SCIN: variants seen among roughly 807,000 people sequenced by gnomAD.
SCIN encodes the protein scinderin, also known as adseverin.
SCIN carries 91 observed loss-of-function variants against 91.8 expected under a neutral mutation model. The ratio of observed to expected loss-of-function variants is 0.99; its 90% CI spans 0.84 to 1.18. SCIN has a LOEUF of 1.18. SCIN is among the 50% of genes most tolerant of loss of function. SCIN has a pLI of 0.00. For missense variants in SCIN, 1,087 were observed against 863.9 expected, an observed-to-expected ratio of 1.26 and a Z score of -3.24; for synonymous variants, 367 against 312.6, an observed-to-expected ratio of 1.17 and a Z score of -1.84.
rs1247961935 is a variant in SCIN, at chr7:12,657,137, T to C, written c.*4422T>C. 1 of 150,350 alleles carries C rather than the reference T, an allele frequency of 6.7e-6. No homozygotes were observed. Among genetic ancestry groups the C allele is most frequent in the Non-Finnish European group, 1.5e-5 (1 of 67,732 alleles). The allele number at this position is 150,350 out of a possible 1,614,324, so 9.3% of individuals were successfully genotyped here. A position where few individuals can be genotyped will look rare whatever the true frequency, so the allele number is the denominator to read the frequency against. On this transcript the variant is annotated 3_prime_UTR_variant, in exon 16 of 16. Transcript: ENST00000297029. ...CTAAAATGAACATACACATATCCTATAATCCAGAAATCCCACTCCATGGTG... is the reference window on the plus strand; with the variant it reads ...CTAAAATGAACATACACATATCCTACAATCCAGAAATCCCACTCCATGGTG...
At chr7:12,598,576 A>C (rs979452275) in intron 3 of SCIN, among the ~76,000 whole-genome samples, 2 of 152,218 alleles carry the variant, frequency 1.3e-5, no homozygotes, top group Non-Finnish European at 2.9e-5. Context: ...CCACTGAATG[A>C]ACATTTAATT....
chr7:12,600,466 A>G (rs966405220), intron 3 of SCIN, among the ~76,000 whole-genome samples: 7 of 152,196 alleles, frequency 4.6e-5, no homozygotes, highest in Non-Finnish European at 1.0e-4. Flanking sequence ...ATTCATCTAA[A>G]TAAATGCCAC....
At chr7:12,594,263 C>T (rs750201986) in intron 3 of SCIN, among the ~76,000 whole-genome samples, 10 of 151,542 alleles carry the variant, frequency 6.6e-5, no homozygotes, top group East Asian at 5.9e-4. Flanking sequence ...ATGATGCTGT[C>T]GAGGAGGGAG....
intron 13 of SCIN, among the ~76,000 whole-genome samples, chr7:12,648,796 A>C (rs1784016853): frequency 6.6e-6 from 1 of 152,170 alleles, no homozygotes; most frequent in African/African-American, 2.4e-5. Flanking sequence ...TAAGGATGAG[A>C]TTTAGAAAAT....
chr7:12,611,394 G>T (rs956325240), intron 4 of SCIN, among the ~76,000 whole-genome samples: 2 of 152,178 alleles, frequency 1.3e-5, no homozygotes, highest in Non-Finnish European at 1.5e-5. Flanking sequence ...GAATTTGGAA[G>T]CTTAGGATTT....
rs1189441822 is a variant in SCIN, at chr7:12,657,554, ATATATATATATATATATATTTTTTTT to A, written c.*4841_*4866del. 1.7e-4 allele frequency: 3 copies of A among 17,520 alleles called. No individual in the cohort carries two copies. Among genetic ancestry groups the A allele is most frequent in the Non-Finnish European group, 3.8e-4 (3 of 7,806 alleles). The allele number at this position is 17,520 out of a possible 1,614,324, so 1.1% of individuals were successfully genotyped here. On this transcript the variant is annotated 3_prime_UTR_variant, in exon 16 of 16. Transcript: ENST00000297029. ...TATGTGTGTGTATATATATATATAT[ATATATATATATATATATATTTTTTTT>A]TTTTTTTTTTTTTTTTTTGCATTGG...
intron 3 of SCIN, among the ~76,000 whole-genome samples, chr7:12,581,619 A>G (rs780710257): frequency 2.0e-5 from 3 of 152,252 alleles, no homozygotes; most frequent in Non-Finnish European, 4.4e-5. Flanking sequence ...GAATCTAAAC[A>G]GCCACCTAAA....
At chr7:12,647,705 A>AAAC (rs1204773013) in intron 13 of SCIN, among the ~76,000 whole-genome samples, 2 of 152,232 alleles carry the variant, frequency 1.3e-5, no homozygotes, top group African/African-American at 4.8e-5. Context: ...AAGATAATAT[A>AAAC]AACAAATCCT....
Position 12,625,749 on chromosome 7 carries a change from C to G in SCIN, c.893-13C>G, listed in dbSNP as rs772910734. The G allele has an allele frequency of 6.4e-7, 1 of 1,564,950 alleles. No individual in the cohort carries two copies. The highest frequency in any genetic ancestry group is 1.7e-5 in the Admixed American group (1 of 57,860). The stretch of plus-strand genomic sequence containing the variant: ...TCTGAAGTTCTTTCTCTTTAATTTA[C>G]CTTGTATTTTAGGTAAAGATGCTAA... On this transcript the variant is annotated splice_polypyrimidine_tract_variant and intron_variant, in intron 6 of 15. Coordinates refer to ENST00000297029, the MANE Select transcript of SCIN (RefSeq NM_001112706.3).
At chr7:12,602,221 C>A (rs1257893335) in intron 3 of SCIN, among the ~76,000 whole-genome samples, 6 of 152,092 alleles carry the variant, frequency 3.9e-5, no homozygotes, top group African/African-American at 1.4e-4. Flanking sequence ...AGCCTTAAAG[C>A]CAGCAAGTTT....
chr7:12,626,800 G>A lies in SCIN; in HGVS notation c.1197+1G>A, dbSNP rs1470647436. On this transcript the variant is annotated splice_donor_variant, in intron 8 of 15. Transcript: ENST00000297029. LOFTEE classifies it high-confidence loss of function. The stretch of plus-strand genomic sequence containing the variant: ...GGATGATGGTTCTGGCAAAGTGGAG[G>A]TATTTACCTGTTTTTGTTTTTATCA... The A allele has an allele frequency of 1.3e-6, 2 of 1,599,494 alleles. No homozygotes were observed. The highest frequency in any genetic ancestry group is 1.7e-6 in the Non-Finnish European group (2 of 1,172,390).
intron 11 of SCIN, 51 bp from the exon 12 acceptor site, chr7:12,644,087 A>G (rs373456652): frequency 5.4e-6 from 8 of 1,495,128 alleles, no homozygotes; most frequent in East Asian, 2.3e-5. Flanking sequence ...ATGTTTATTG[A>G]GGGAGCAGCA....
intron 12 of SCIN, 104 bp downstream of exon 12, chr7:12,644,419 T>G: frequency 2.8e-6 from 4 of 1,444,120 alleles, no homozygotes; most frequent in Non-Finnish European, 3.7e-6. Context: ...TTATAAGGGT[T>G]AACAATCTCT....
At chr7:12,611,762 A>G (rs904732883) in intron 4 of SCIN, among the ~76,000 whole-genome samples, 2 of 152,140 alleles carry the variant, frequency 1.3e-5, no homozygotes, top group Non-Finnish European at 2.9e-5. Flanking sequence ...ATAAATAAAT[A>G]TATAGCTAGG....
intron 1 of SCIN, among the ~76,000 whole-genome samples, chr7:12,575,453 C>T (rs943973336): frequency 6.6e-6 from 1 of 152,016 alleles, no homozygotes; most frequent in Non-Finnish European, 1.5e-5. Flanking sequence ...AACATTTAGT[C>T]TTTTACTGTT....
In SCIN at chr7:12,615,294, A is replaced by G. The variant is rs370953277; in HGVS notation, c.667-7507A>G. ...TCTCATCTGTAATTGTAATCCCCAC[A>G]CATCAAGGGAGGGACCTGGTGGGAG... is the stretch of plus-strand genomic sequence containing the variant. On this transcript the variant is annotated intron_variant, in intron 4 of 15. Coordinates refer to ENST00000297029, the MANE Select transcript of SCIN (RefSeq NM_001112706.3). 2.0e-5 allele frequency among the ~76,000 whole-genome samples: 3 copies of G among 152,192 alleles called. No individual in the cohort carries two copies. The East Asian group carries it at 5.8e-4, about 29-fold the overall frequency.
intron 3 of SCIN, among the ~76,000 whole-genome samples, chr7:12,602,590 C>T (rs1000236771): frequency 6.6e-6 from 1 of 152,078 alleles, no homozygotes; most frequent in African/African-American, 2.4e-5. Flanking sequence ...TATAGATCTC[C>T]CCCAAGGAAT....
intron 3 of SCIN, among the ~76,000 whole-genome samples, chr7:12,600,557 G>A (rs1185471964): frequency 6.6e-6 from 1 of 152,188 alleles, no homozygotes; most frequent in Admixed American, 6.5e-5. Context: ...CTGATTTATA[G>A]GGTCAATGTT....
chr7:12,652,606 C>A lies in SCIN; in HGVS notation c.2039C>A (p.Thr680Lys). 1 of 1,613,082 alleles carries A rather than the reference C, an allele frequency of 6.2e-7. No homozygotes were observed. The highest frequency in any genetic ancestry group is 8.5e-7 in the Non-Finnish European group (1 of 1,179,530). The change falls in exon 16 of 16, where the codon ACA becomes AAA. Residue 680 changes from threonine to lysine, a missense_variant. Coordinates refer to ENST00000297029, the MANE Select transcript of SCIN (RefSeq NM_001112706.3). ...TTTTTAGCCAAAATGTACCTTGAGA[C>A]AGACCCTTCTGGAAGAGACAAGAGG... ...SLKSAKMYLE[T>K]DPSGRDKRTP...
Sources: allele counts gnomAD v4.1 joint callset (sites outside exome capture counted in the v4.1 genomes callset), GRCh38; gene constraint gnomAD v4.1.1; transcripts MANE v1.5; gene names NCBI Gene and HGNC (gene_info 2026-07-23, HGNC 2026-07-21).